Variants in SNX7 observed in about 807,000 individuals in gnomAD.
SNX7 encodes sorting nexin 7.
SNX7 carries 35 observed loss-of-function variants against 48.4 expected under a neutral mutation model. That is an observed-to-expected ratio of 0.72 (90% CI 0.55 to 0.96). The LOEUF is 0.96. SNX7 is among the 40% of genes least tolerant of loss of function. SNX7 has a pLI of 0.00. For synonymous variants in SNX7, 190 were observed against 190.2 expected, an observed-to-expected ratio of 1.00 and a Z score of 0.01; for missense variants, 553 against 548.9, an observed-to-expected ratio of 1.01 and a Z score of -0.07.
intron 7 of SNX7, among the ~76,000 whole-genome samples, chr1:98,709,156 G>A (rs746777090): frequency 5.9e-5 from 9 of 152,142 alleles, no homozygotes; most frequent in Non-Finnish European, 8.8e-5. Flanking sequence ...TGTTAAATGA[G>A]CATATTGAAA....
rs1479743806 is a variant in SNX7, at chr1:98,716,889, C to T, written c.1125+14986C>T. 2.0e-5 allele frequency among the ~76,000 whole-genome samples: 3 copies of T among 150,614 alleles called. No homozygotes were observed. In the East Asian group the frequency reaches 5.8e-4, roughly 29 times the overall value. The stretch of plus-strand genomic sequence containing the variant: ...TTTCATAATAAATTATAAATTGCAA[C>T]TTGGAAATGCTTTGAAATACATAGG... On this transcript the variant is annotated intron_variant, in intron 7 of 8. Transcript: ENST00000306121.
chr1:98,759,068 C>T (rs1654993833), intron 8 of SNX7, among the ~76,000 whole-genome samples: 1 of 151,762 alleles, frequency 6.6e-6, no homozygotes, highest in Middle Eastern at 3.4e-3. Context: ...GCTGGTTGTC[C>T]GATATAGACA....
At position 98,760,351 on chromosome 1, in the gene SNX7, TAC is replaced by T; in HGVS notation, c.*222_*223del. 2.7e-6 allele frequency: 1 copy of T among 370,422 alleles called. No homozygotes were observed. The highest frequency in any genetic ancestry group is 4.8e-6 in the Non-Finnish European group (1 of 206,198). The allele number at this position is 370,422 out of a possible 1,614,324, so 22.9% of individuals were successfully genotyped here. A position where few individuals can be genotyped will look rare whatever the true frequency, so the allele number is the denominator to read the frequency against. On this transcript the variant is annotated 3_prime_UTR_variant, in exon 9 of 9. Transcript: ENST00000306121. ...ATCTATATGTATATAGATATATAAA[TAC>T]AGAGAGATATCTGGCTTGGTTTTAA... is the stretch of plus-strand genomic sequence containing the variant.
At chr1:98,731,298 T>C (rs956078581) in intron 7 of SNX7, among the ~76,000 whole-genome samples, 2 of 152,102 alleles carry the variant, frequency 1.3e-5, no homozygotes, top group Non-Finnish European at 2.9e-5. Context: ...TTGGATTGTA[T>C]CTCTCATAAC....
chr1:98,667,711 G>GC (rs917584834), intron 1 of SNX7, among the ~76,000 whole-genome samples: 11 of 152,000 alleles, frequency 7.2e-5, no homozygotes, highest in Non-Finnish European at 1.0e-4. Flanking sequence ...TACATTGCCT[G>GC]CATTTGAAAT....
At chr1:98,745,082 A>G (rs1210948326) in intron 8 of SNX7, among the ~76,000 whole-genome samples, 2 of 152,070 alleles carry the variant, frequency 1.3e-5, no homozygotes, top group African/African-American at 4.8e-5. Flanking sequence ...CCCTTTGTCA[A>G]TAGCCTGTCT....
upstream of SNX7, chr1:98,661,720 C>G: frequency 1.6e-6 from 2 of 1,218,164 alleles, no homozygotes; most frequent in Non-Finnish European, 2.0e-6. Flanking sequence ...CGGCTGGGCG[C>G]GCACTCTCGG....
At chr1:98,672,751 C>T (rs1302986682) in intron 1 of SNX7, among the ~76,000 whole-genome samples, 6 of 149,124 alleles carry the variant, frequency 4.0e-5, no homozygotes, top group Non-Finnish European at 7.4e-5. Context: ...GGTGAAACCC[C>T]GTCTCTACTA....
rs1303189956 is a variant in SNX7 at position 98,760,277 on chromosome 1, C to T, written c.*146C>T. 1 of 625,788 alleles carries T rather than the reference C, an allele frequency of 1.6e-6. No individual in the cohort carries two copies. Among genetic ancestry groups the T allele is most frequent in the East Asian group, 2.7e-5 (1 of 36,552 alleles). 38.8% of individuals were successfully genotyped at this position (625,788 alleles called of 1,614,324 possible). On this transcript the variant is annotated 3_prime_UTR_variant, in exon 9 of 9. Transcript: ENST00000306121. ...CCAACAACTTGAAATCTCAGGTATT[C>T]CAGGTCACTGACATGAATTTGAAGA...
chr1:98,697,645 T>A (rs1360108516), intron 5 of SNX7, among the ~76,000 whole-genome samples: 1 of 152,134 alleles, frequency 6.6e-6, no homozygotes, highest in Middle Eastern at 3.2e-3. Flanking sequence ...TTTATTGAAC[T>A]CATTACATAT....
intron 1 of SNX7, among the ~76,000 whole-genome samples, chr1:98,677,994 TG>T: frequency 8.1e-6 from 1 of 123,560 alleles, no homozygotes; most frequent in Non-Finnish European, 1.6e-5. Context: ...TGTGTGCGTG[TG>T]TGTGTGTGTG....
intron 5 of SNX7, among the ~76,000 whole-genome samples, chr1:98,696,584 T>C (rs1046602122): frequency 6.6e-6 from 1 of 152,126 alleles, no homozygotes; most frequent in Non-Finnish European, 1.5e-5. Flanking sequence ...AAAAGAGATA[T>C]AGAAAAAAAT....
chr1:98,733,113 T>C (rs1000531325), intron 7 of SNX7, among the ~76,000 whole-genome samples: 1 of 152,174 alleles, frequency 6.6e-6, no homozygotes, highest in African/African-American at 2.4e-5. Flanking sequence ...TTGCTCTGTA[T>C]GCAACTGAGT....
chr1:98,756,499 A>G (rs541523825), intron 8 of SNX7, among the ~76,000 whole-genome samples: 1 of 140,762 alleles, frequency 7.1e-6, no homozygotes, highest in East Asian at 2.3e-4. Flanking sequence ...ATAATGAATT[A>G]AGTGATTTTC....
intron 1 of SNX7, among the ~76,000 whole-genome samples, chr1:98,667,674 A>G (rs1649609274): frequency 6.6e-6 from 1 of 151,682 alleles, no homozygotes; most frequent in Non-Finnish European, 1.5e-5. Flanking sequence ...GAGCCACCAC[A>G]CCTGGTCCAG....
chr1:98,686,469 T>G (rs531453638), intron 2 of SNX7, among the ~76,000 whole-genome samples: 1 of 152,268 alleles, frequency 6.6e-6, no homozygotes, highest in Non-Finnish European at 1.5e-5. Context: ...TGAATAGATG[T>G]TTATTTGTAT....
intron 7 of SNX7, among the ~76,000 whole-genome samples, chr1:98,724,919 GA>G (rs1478150829): frequency 6.6e-6 from 1 of 152,078 alleles, no homozygotes; most frequent in African/African-American, 2.4e-5. Flanking sequence ...AACTCCTCTA[GA>G]ATCATCATGC....
intron 5 of SNX7, among the ~76,000 whole-genome samples, chr1:98,698,095 A>G (rs1459029219): frequency 1.3e-5 from 2 of 152,294 alleles, no homozygotes; most frequent in Admixed American, 6.5e-5. Context: ...CAATGTTTCT[A>G]TACTCTGATA....
At chr1:98,736,927 T>C (rs1653809110) in intron 7 of SNX7, among the ~76,000 whole-genome samples, 1 of 152,136 alleles carries the variant, frequency 6.6e-6, no homozygotes, top group African/African-American at 2.4e-5. Flanking sequence ...AGGCCCCTTT[T>C]AAAACATAAG....
Sources: gnomAD v4.1 joint callset for allele counts (sites outside exome capture counted in the v4.1 genomes callset) on GRCh38, gnomAD v4.1.1 for gene constraint, MANE v1.5 for transcripts, NCBI Gene and HGNC (gene_info 2026-07-23, HGNC 2026-07-21) for gene names.